Variants in OPRPN observed in about 807,000 individuals in gnomAD.
The protein encoded by OPRPN is basic proline-rich lacrimal protein.
A neutral mutation model predicts 2.2 loss-of-function variants in OPRPN; 1 was observed. The ratio of observed to expected loss-of-function variants is 0.45; its 90% CI spans 0.16 to 2.15. The LOEUF (loss-of-function observed/expected upper bound fraction) is 2.15, where lower values mean the gene tolerates loss of function less well. OPRPN is among the 30% of genes most tolerant of loss of function. The pLI is 0.28. For synonymous variants in OPRPN, 126 were observed against 111.5 expected (o/e 1.13, Z -0.82); for missense variants, 306 against 297.3 (o/e 1.03, Z -0.21).
At chr4:70,406,338 C>T (rs921852141) in intron 2 of OPRPN, among the ~76,000 whole-genome samples, 1 of 152,120 alleles carries the variant, frequency 6.6e-6, no homozygotes, top group African/African-American at 2.4e-5. Context: ...ATTCCTTCAA[C>T]AGCAGTAAAA....
chr4:70,402,962 A>C (rs183328532), intron 2 of OPRPN, among the ~76,000 whole-genome samples: 1 of 151,938 alleles, frequency 6.6e-6, no homozygotes, highest in African/African-American at 2.4e-5. Flanking sequence ...CCTTAGTTTT[A>C]CTCTGAGTGA....
chr4:70,398,306 T>C (rs1329698246), intron 1 of OPRPN, among the ~76,000 whole-genome samples: 4 of 152,004 alleles, frequency 2.6e-5, no homozygotes, highest in Non-Finnish European at 5.9e-5. Context: ...CTGTATTTTA[T>C]GGTCTCTAAA....
intron 1 of OPRPN, among the ~76,000 whole-genome samples, chr4:70,398,753 T>A (rs991262180): frequency 2.6e-5 from 4 of 151,962 alleles, no homozygotes; most frequent in African/African-American, 9.7e-5. Flanking sequence ...AGTAGAGTGA[T>A]GTTAAAGGAA....
intron 1 of OPRPN, 141 bp downstream of exon 1, chr4:70,398,181 A>C (rs1183635188): frequency 6.6e-6 from 1 of 151,876 alleles, no homozygotes; most frequent in Non-Finnish European, 1.5e-5. Flanking sequence ...TTTAAAAAAA[A>C]AATCATTGTC....
intron 2 of OPRPN, among the ~76,000 whole-genome samples, chr4:70,399,738 A>G (rs999626376): frequency 3.2e-4 from 49 of 152,030 alleles, no homozygotes; most frequent in African/African-American, 1.2e-3. Flanking sequence ...AAATTTTCTA[A>G]AAAGACAACA....
chr4:70,400,251 G>T (rs1342342795), intron 2 of OPRPN, among the ~76,000 whole-genome samples: 1 of 151,774 alleles, frequency 6.6e-6, no homozygotes, highest in African/African-American at 2.4e-5. Flanking sequence ...TCATAGATTA[G>T]GTCTTCTTTT....
chr4:70,399,623 T>C (rs1399544791), intron 2 of OPRPN: 1 of 229,548 alleles, frequency 4.4e-6, no homozygotes, highest in African/African-American at 2.3e-5. Context: ...TTTTATTTCT[T>C]TTTCAAAAGG....
chr4:70,405,930 T>C (rs532723504), intron 2 of OPRPN, among the ~76,000 whole-genome samples: 3 of 150,926 alleles, frequency 2.0e-5, no homozygotes, highest in Admixed American at 1.3e-4. Context: ...TAGCCAGGTA[T>C]GGTGGTGCAC....
At chr4:70,406,643 C>A (rs1009923379) in intron 2 of OPRPN, among the ~76,000 whole-genome samples, 2 of 152,044 alleles carry the variant, frequency 1.3e-5, no homozygotes, top group Admixed American at 6.6e-5. Context: ...TATGAAGGCA[C>A]AGGGACTACC....
intron 2 of OPRPN, among the ~76,000 whole-genome samples, chr4:70,402,148 A>G (rs1028108958): frequency 1.3e-5 from 2 of 152,088 alleles, no homozygotes; most frequent in South Asian, 2.1e-4. Context: ...CAAACTCTAC[A>G]AACTCTAGAA....
chr4:70,409,497 CTT>C lies in OPRPN; in HGVS notation c.170_171del (p.Leu57GlnfsTer22). ...TCCCCCACCTCCCTATGACTCAAGA[CTT>C]AATTCACCACTTTCTCTTCCCTTTG... ...PSPPPPYDSR[L>X]NSPLSLPFVP... On this transcript the variant is annotated frameshift_variant, in exon 3 of 3. Coordinates refer to ENST00000399575, the MANE Select transcript of OPRPN (RefSeq NM_021225.5). LOFTEE classifies it low-confidence loss of function (END_TRUNC). 1 of 1,614,036 alleles carries C rather than the reference CTT, an allele frequency of 6.2e-7. No individual in the cohort carries two copies. Among genetic ancestry groups the C allele is most frequent in the Non-Finnish European group, 8.5e-7 (1 of 1,179,940 alleles).
chr4:70,409,280 T>A (rs1301384197), intron 2 of OPRPN, 100 bp from the exon 3 acceptor site: 1 of 891,628 alleles, frequency 1.1e-6, no homozygotes, highest in Non-Finnish European at 1.7e-6. Context: ...TCCTAATGTT[T>A]ACATAGTAGA....
intron 2 of OPRPN, among the ~76,000 whole-genome samples, chr4:70,404,779 C>T (rs1203437878): frequency 6.6e-6 from 1 of 152,160 alleles, no homozygotes; most frequent in Non-Finnish European, 1.5e-5. Context: ...CTTTGTCCTC[C>T]CCGCACCTTA....
chr4:70,400,916 T>C (rs1281834114), intron 2 of OPRPN, among the ~76,000 whole-genome samples: 2 of 151,916 alleles, frequency 1.3e-5, no homozygotes, highest in African/African-American at 4.8e-5. Context: ...TCAAGTAAAC[T>C]TGAGAAATTT....
intron 2 of OPRPN, among the ~76,000 whole-genome samples, chr4:70,399,860 T>C (rs964371771): frequency 6.6e-6 from 1 of 151,914 alleles, no homozygotes; most frequent in Non-Finnish European, 1.5e-5. Flanking sequence ...TCATTATGAC[T>C]AAAATATTCC....
At chr4:70,405,973 T>G (rs1296198240) in intron 2 of OPRPN, among the ~76,000 whole-genome samples, 2 of 150,678 alleles carry the variant, frequency 1.3e-5, no homozygotes, top group Non-Finnish European at 3.0e-5. Flanking sequence ...GAGGCTGAGG[T>G]GGGAAGATCA....
chr4:70,410,114 C>T lies in OPRPN; in HGVS notation c.*39C>T. On this transcript the variant is annotated 3_prime_UTR_variant, in exon 3 of 3. Transcript: ENST00000399575. ...GATATTTTCCAAACTGCTCTGATAT[C>T]TTAGAAGAAATAAACTGCAATGATT... The T allele has an allele frequency of 1.4e-6, 2 of 1,425,046 alleles. No homozygotes were observed. Among genetic ancestry groups the T allele is most frequent in the Non-Finnish European group, 1.9e-6 (2 of 1,056,064 alleles). The allele number at this position is 1,425,046 out of a possible 1,614,324, so 88.3% of individuals were successfully genotyped here. A position where few individuals can be genotyped will look rare whatever the true frequency, so the allele number is the denominator to read the frequency against.
intron 2 of OPRPN, among the ~76,000 whole-genome samples, chr4:70,408,087 C>T (rs1379090691): frequency 1.3e-5 from 2 of 152,140 alleles, no homozygotes; most frequent in African/African-American, 4.8e-5. Context: ...TCTAGTGTTG[C>T]TACCATTAGA....
At chr4:70,403,961 C>G (rs1345261537) in intron 2 of OPRPN, among the ~76,000 whole-genome samples, 1 of 152,070 alleles carries the variant, frequency 6.6e-6, no homozygotes, top group Non-Finnish European at 1.5e-5. Context: ...ATTGTTCCTA[C>G]TAGCACATAA....
Sources: allele counts gnomAD v4.1 joint callset (sites outside exome capture counted in the v4.1 genomes callset), GRCh38; gene constraint gnomAD v4.1.1; transcripts MANE v1.5; gene names NCBI Gene and HGNC (gene_info 2026-07-23, HGNC 2026-07-21).